Variants in CHIC1 observed in about 807,000 individuals in gnomAD.
The protein encoded by CHIC1 is cysteine-rich hydrophobic domain-containing protein 1.
A neutral mutation model predicts 18.5 loss-of-function variants in CHIC1; 7 were observed. That is an observed-to-expected ratio of 0.38 (90% CI 0.22 to 0.71). The LOEUF (loss-of-function observed/expected upper bound fraction) is 0.71. CHIC1 is among the 30% of genes least tolerant of loss of function. CHIC1 has a pLI of 0.49. For missense variants in CHIC1, 159 were observed against 176.9 expected (o/e 0.90, Z 0.57); for synonymous variants, 77 against 73.5 (o/e 1.05, Z -0.25).
chrX:73,666,265 G>T (rs1411342440), intron 3 of CHIC1, among the ~76,000 whole-genome samples: 1 of 111,748 alleles, frequency 8.9e-6, no homozygotes, highest in East Asian at 2.8e-4. Flanking sequence ...TTTCAATGCA[G>T]TTGTGTGATT....
At chrX:73,610,192 C>T (rs1306258630) in intron 3 of CHIC1, among the ~76,000 whole-genome samples, 2 of 109,248 alleles carry the variant, frequency 1.8e-5, no homozygotes. Context: ...TTTCCATCCA[C>T]GTTGCTGCAA....
chrX:73,570,899 A>G (rs1362065203), intron 1 of CHIC1, among the ~76,000 whole-genome samples: 1 of 111,323 alleles, frequency 9.0e-6, no homozygotes, highest in Non-Finnish European at 1.9e-5. Context: ...AAGTCAAGAG[A>G]AAAAGTTCTG....
chrX:73,632,594 T>C (rs1327681522), intron 3 of CHIC1, among the ~76,000 whole-genome samples: 1 of 110,223 alleles, frequency 9.1e-6, no homozygotes, highest in South Asian at 3.8e-4. Context: ...TTCTCTCATC[T>C]TTTGTGTGTC....
chrX:73,629,764 G>A (rs1293713503), intron 3 of CHIC1, among the ~76,000 whole-genome samples: 1 of 111,679 alleles, frequency 9.0e-6, no homozygotes, highest in African/African-American at 3.2e-5. Context: ...GATTCTTTTG[G>A]CTATCCAAGA....
chrX:73,572,864 T>C (rs1407304350), intron 1 of CHIC1, among the ~76,000 whole-genome samples: 1 of 111,520 alleles, frequency 9.0e-6, no homozygotes, highest in Admixed American at 9.5e-5. Context: ...CCTTTGTTGA[T>C]ACATAGATCG....
At chrX:73,678,495 C>T (rs6648375) in intron 3 of CHIC1, among the ~76,000 whole-genome samples, 20,500 of 111,113 alleles carry the variant, frequency 0.18, 2,123 homozygotes, top group East Asian at 0.94. Context: ...CAGATAGTCC[C>T]TGGGGTCCTG....
intron 3 of CHIC1, among the ~76,000 whole-genome samples, chrX:73,657,116 G>A (rs2057953692): frequency 9.6e-6 from 1 of 103,654 alleles, no homozygotes; most frequent in African/African-American, 3.6e-5. Context: ...CTGGAGTGCA[G>A]TGGCACGATC....
At chrX:73,592,353 T>C (rs2057586130) in intron 3 of CHIC1, among the ~76,000 whole-genome samples, 1 of 111,686 alleles carries the variant, frequency 9.0e-6, no homozygotes, top group African/African-American at 3.3e-5. Context: ...TTGCCATAGA[T>C]GGCTCTTAAC....
At position 73,685,033 on chromosome X, in the gene CHIC1, A is replaced by C. The variant is rs2058115509; in HGVS notation, c.*4028A>C. ...TGTCTGTCTCTTCTGTAAAATGATG[A>C]GGTGGAACCTAGAGCTGGACAAAAA... On this transcript the variant is annotated 3_prime_UTR_variant, in exon 6 of 6. Coordinates refer to ENST00000373502, the MANE Select transcript of CHIC1 (RefSeq NM_001039840.4). The C allele has an allele frequency of 9.0e-6, 1 of 111,307 alleles. No individual in the cohort carries two copies. Among genetic ancestry groups the C allele is most frequent in the Non-Finnish European group, 1.9e-5 (1 of 52,882 alleles). 9.2% of individuals were successfully genotyped at this position (111,307 alleles called of 1,213,427 possible). A position where few individuals can be genotyped will look rare whatever the true frequency, so the allele number is the denominator to read the frequency against.
intron 3 of CHIC1, among the ~76,000 whole-genome samples, chrX:73,641,524 A>C (rs954618062): frequency 9.0e-6 from 1 of 110,645 alleles, no homozygotes; most frequent in Admixed American, 9.7e-5. Flanking sequence ...TTTAAATTTC[A>C]TTATTATTAT....
chrX:73,581,038 A>G (rs2057524218), intron 2 of CHIC1, among the ~76,000 whole-genome samples: 1 of 111,541 alleles, frequency 9.0e-6, no homozygotes, highest in Non-Finnish European at 1.9e-5. Flanking sequence ...GGGAAGAACC[A>G]CAGAAATTTA....
chrX:73,648,200 G>T (rs754677494), intron 3 of CHIC1, among the ~76,000 whole-genome samples: 2 of 106,899 alleles, frequency 1.9e-5, no homozygotes, highest in South Asian at 9.3e-4. Flanking sequence ...AAACCCCAAG[G>T]GACAGCAGCT....
chrX:73,656,240 T>A (rs755858290), intron 3 of CHIC1, among the ~76,000 whole-genome samples: 1 of 111,902 alleles, frequency 8.9e-6, no homozygotes, highest in African/African-American at 3.2e-5. Context: ...TTTTCTCCTA[T>A]TCTGTAGATT....
intron 3 of CHIC1, among the ~76,000 whole-genome samples, chrX:73,600,506 C>T (rs2057640143): frequency 9.3e-6 from 1 of 107,478 alleles, no homozygotes; most frequent in African/African-American, 3.6e-5. Flanking sequence ...GAAATATGTC[C>T]CATCAATACC....
At chrX:73,663,330 G>T (rs2057989631) in intron 3 of CHIC1, among the ~76,000 whole-genome samples, 1 of 111,172 alleles carries the variant, frequency 9.0e-6, no homozygotes, top group Non-Finnish European at 1.9e-5. Context: ...AAGCCACTGT[G>T]CTACCCAAAT....
intron 1 of CHIC1, among the ~76,000 whole-genome samples, chrX:73,573,812 A>G (rs1301798760): frequency 9.0e-6 from 1 of 111,219 alleles, no homozygotes; most frequent in African/African-American, 3.3e-5. Context: ...TTTCTTTATC[A>G]GTTCAAGGAG....
At chrX:73,638,674 C>T (rs1350372727) in intron 3 of CHIC1, among the ~76,000 whole-genome samples, 1 of 111,250 alleles carries the variant, frequency 9.0e-6, no homozygotes, top group Non-Finnish European at 1.9e-5. Flanking sequence ...TTCTCTCCCT[C>T]CTCCTACCCT....
chrX:73,632,509 G>A (rs866012875), intron 3 of CHIC1, among the ~76,000 whole-genome samples: 2 of 110,952 alleles, frequency 1.8e-5, no homozygotes, highest in African/African-American at 3.3e-5. Context: ...TGACTGGTTC[G>A]TAGTTTCTTC....
chrX:73,628,413 CAG>C (rs1216790002), intron 3 of CHIC1, among the ~76,000 whole-genome samples: 2 of 112,042 alleles, frequency 1.8e-5, no homozygotes, highest in Non-Finnish European at 3.8e-5. Flanking sequence ...TACCTGGAGA[CAG>C]AGGGCTGTAG....
Sources: gnomAD v4.1 joint callset for allele counts (sites outside exome capture counted in the v4.1 genomes callset) on GRCh38, gnomAD v4.1.1 for gene constraint, MANE v1.5 for transcripts, NCBI Gene and HGNC (gene_info 2026-07-23, HGNC 2026-07-21) for gene names.